LRRC7: variants seen among roughly 807,000 people sequenced by gnomAD.
LRRC7 encodes the protein leucine-rich repeat-containing protein 7.
Under a neutral mutation model 175.7 loss-of-function variants are expected in LRRC7, and 23 were observed. That is an observed-to-expected ratio of 0.13 (90% CI 0.09 to 0.19). LRRC7 has a LOEUF of 0.19. Ranked by LOEUF, LRRC7 falls within the 10% of genes least tolerant of loss-of-function variation. The probability of loss-of-function intolerance (pLI) is 1.00; values close to 1 mark genes in which losing one functional copy is unlikely to be tolerated. For missense variants in LRRC7, 1,354 were observed against 1,904.7 expected (o/e 0.71, Z 5.38); for synonymous variants, 685 against 680.9 (o/e 1.01, Z -0.09).
chr1:70,092,699 G>A (rs1460603344), intron 25 of LRRC7, among the ~76,000 whole-genome samples: 1 of 152,096 alleles, frequency 6.6e-6, no homozygotes, highest in Non-Finnish European at 1.5e-5. Flanking sequence ...TGCAGCAAAA[G>A]TGAACTATAT....
chr1:69,721,231 T>C (rs954467004), intron 2 of LRRC7, among the ~76,000 whole-genome samples: 6 of 151,910 alleles, frequency 3.9e-5, no homozygotes. Context: ...ATATAGTTAT[T>C]ACTCAAAGTC....
chr1:69,694,982 A>T (rs1434683786), intron 2 of LRRC7, among the ~76,000 whole-genome samples: 1 of 152,222 alleles, frequency 6.6e-6, no homozygotes. Context: ...TGAGGAGTGG[A>T]GCATTGCTAT....
chr1:70,016,627 C>A (rs141659670), intron 14 of LRRC7, 93 bp downstream of exon 14: 32 of 918,042 alleles, frequency 3.5e-5, no homozygotes, highest in Non-Finnish European at 4.9e-5. Context: ...CCTTTGACAG[C>A]AGCTACAAAA....
intron 1 of LRRC7, among the ~76,000 whole-genome samples, chr1:69,601,526 A>G (rs1647072977): frequency 6.6e-6 from 1 of 152,214 alleles, no homozygotes; most frequent in African/African-American, 2.4e-5. Flanking sequence ...TCTCAACTAG[A>G]GGATAATGCT....
chr1:69,974,735 C>T (rs1652632390), intron 8 of LRRC7, among the ~76,000 whole-genome samples: 1 of 152,124 alleles, frequency 6.6e-6, no homozygotes, highest in South Asian at 2.1e-4. Context: ...CTGTGCTATT[C>T]TTAGGAAGTT....
intron 2 of LRRC7, among the ~76,000 whole-genome samples, chr1:69,710,977 C>T (rs1270835484): frequency 1.3e-5 from 2 of 152,160 alleles, no homozygotes; most frequent in Non-Finnish European, 2.9e-5. Context: ...ACTCCTAGGG[C>T]TTACTGCAAA....
chr1:69,810,249 A>G (rs1287315142), intron 4 of LRRC7, among the ~76,000 whole-genome samples: 4 of 152,156 alleles, frequency 2.6e-5, no homozygotes, highest in Non-Finnish European at 5.9e-5. Context: ...AGAACTACAA[A>G]CCACTGCTCA....
At chr1:70,105,834 G>C (rs1484336969) in intron 25 of LRRC7, among the ~76,000 whole-genome samples, 1 of 152,088 alleles carries the variant, frequency 6.6e-6, no homozygotes, top group Non-Finnish European at 1.5e-5. Context: ...TAGAAATTTT[G>C]ATGCCTATCT....
At chr1:69,776,706 GGTGTGTGTGGGT>G (rs1468660747) in intron 3 of LRRC7, among the ~76,000 whole-genome samples, 1 of 150,858 alleles carries the variant, frequency 6.6e-6, no homozygotes, top group Non-Finnish European at 1.5e-5. Context: ...TTCATTTTGG[GGTGTGTGTGGGT>G]GTGTGTGTGG....
chr1:70,135,927 A>T lies in LRRC7; in HGVS notation c.*14040A>T, dbSNP rs1571405662. ...CAGTCTCATTATGATCAAGACAGAT[A>T]TTCTAGCAGGACATCACTGCTATAT... On this transcript the variant is annotated 3_prime_UTR_variant, in exon 27 of 27. Coordinates refer to ENST00000651989, the MANE Select transcript of LRRC7 (RefSeq NM_001370785.2). 6.6e-6 allele frequency among the ~76,000 whole-genome samples: 1 copy of T among 152,320 alleles called. No individual in the cohort carries two copies. The highest frequency in any genetic ancestry group is 2.1e-4 in the South Asian group (1 of 4,820).
At chr1:69,758,390 C>G (rs1358453025) in intron 2 of LRRC7, among the ~76,000 whole-genome samples, 1 of 151,974 alleles carries the variant, frequency 6.6e-6, no homozygotes, top group African/African-American at 2.4e-5. Flanking sequence ...GAACCTGTCC[C>G]TAGAATATCC....
At chr1:69,928,003 T>G (rs1647142329) in intron 7 of LRRC7, among the ~76,000 whole-genome samples, 2 of 152,236 alleles carry the variant, frequency 1.3e-5, no homozygotes, top group Non-Finnish European at 2.9e-5. Flanking sequence ...ATATTTTTTC[T>G]CTTTGTTTTC....
At chr1:69,865,456 C>T (rs1684813963) in intron 7 of LRRC7, among the ~76,000 whole-genome samples, 1 of 92,234 alleles carries the variant, frequency 1.1e-5, no homozygotes, top group South Asian at 3.6e-4. Context: ...AAGCAAGCTG[C>T]TGAAGACAGT....
intron 3 of LRRC7, among the ~76,000 whole-genome samples, chr1:69,781,729 AAG>A (rs1491470387): frequency 3.0e-5 from 1 of 32,942 alleles, no homozygotes; most frequent in African/African-American, 1.9e-4. Flanking sequence ...GAAAGAAAGA[AAG>A]AAAGAGAGAG....
intron 4 of LRRC7, among the ~76,000 whole-genome samples, chr1:69,794,303 T>C (rs1325353609): frequency 6.6e-6 from 1 of 152,062 alleles, no homozygotes; most frequent in Non-Finnish European, 1.5e-5. Context: ...AAAGAGAGTA[T>C]TTCATCTGAA....
chr1:70,115,639 A>C (rs1665801644), intron 26 of LRRC7, among the ~76,000 whole-genome samples: 1 of 152,220 alleles, frequency 6.6e-6, no homozygotes, highest in Admixed American at 6.5e-5. Context: ...AAGCAATGTA[A>C]ACAATGTTAT....
At chr1:69,887,986 C>T (rs1183621898) in intron 7 of LRRC7, among the ~76,000 whole-genome samples, 1 of 126,890 alleles carries the variant, frequency 7.9e-6, no homozygotes, top group Non-Finnish European at 1.7e-5. Context: ...CTCAGATCTC[C>T]AGCTGCGTGT....
At chr1:69,933,104 C>T (rs1278205367) in intron 8 of LRRC7, among the ~76,000 whole-genome samples, 1 of 152,192 alleles carries the variant, frequency 6.6e-6, no homozygotes, top group Admixed American at 6.5e-5. Flanking sequence ...CCCTCACCAG[C>T]CATGACCTCA....
intron 2 of LRRC7, among the ~76,000 whole-genome samples, chr1:69,710,297 A>AG (rs950674678): frequency 2.0e-5 from 3 of 147,702 alleles, no homozygotes; most frequent in African/African-American, 7.5e-5. Flanking sequence ...AAAAAAAAAA[A>AG]AGAAAGAAAG....
Sources: allele counts gnomAD v4.1 joint callset (sites outside exome capture counted in the v4.1 genomes callset), GRCh38; gene constraint gnomAD v4.1.1; transcripts MANE v1.5; gene names NCBI Gene and HGNC (gene_info 2026-07-23, HGNC 2026-07-21).